Variants in SYT9 observed in about 807,000 individuals in gnomAD.
SYT9 encodes the protein synaptotagmin-9.
In SYT9, 22 loss-of-function variants were observed where a neutral mutation model predicts 48.4. That is an observed-to-expected ratio of 0.45 (90% CI 0.32 to 0.65). The LOEUF is 0.65. Among genes scored for constraint, SYT9 ranks in the 30% least tolerant of loss-of-function variants. The pLI, the probability that SYT9 is intolerant of heterozygous loss-of-function variation, is 0.03. For synonymous variants in SYT9, 265 were observed against 245.0 expected (o/e 1.08, Z -0.76); for missense variants, 577 against 622.0 (o/e 0.93, Z 0.77).
chr11:7,348,509 A>T (rs1248273486), intron 3 of SYT9, among the ~76,000 whole-genome samples: 1 of 152,040 alleles, frequency 6.6e-6, no homozygotes, highest in Non-Finnish European at 1.5e-5. Context: ...CGTTTAATGG[A>T]GGAAGGTCCC....
chr11:7,323,680 T>G (rs1273026490), intron 3 of SYT9, among the ~76,000 whole-genome samples: 2 of 152,074 alleles, frequency 1.3e-5, no homozygotes, highest in Non-Finnish European at 2.9e-5. Context: ...TTTTATCTTT[T>G]AAAGTAATAA....
chr11:7,405,072 C>T (rs1201698411), intron 3 of SYT9, among the ~76,000 whole-genome samples: 1 of 146,528 alleles, frequency 6.8e-6, no homozygotes, highest in Non-Finnish European at 1.5e-5. Context: ...CACTTCTTCA[C>T]ATCTGATACC....
intron 6 of SYT9, among the ~76,000 whole-genome samples, chr11:7,432,993 T>G (rs556836738): frequency 6.6e-6 from 1 of 152,138 alleles, no homozygotes; most frequent in Non-Finnish European, 1.5e-5. Flanking sequence ...AATCTCATGT[T>G]GAATTGTGAA....
intron 6 of SYT9, among the ~76,000 whole-genome samples, chr11:7,462,656 CAATA>C (rs931543839): frequency 3.3e-5 from 5 of 152,084 alleles, no homozygotes; most frequent in Non-Finnish European, 5.9e-5. Context: ...CTGTGGTAAG[CAATA>C]AATAGTCAAC....
intron 1 of SYT9, among the ~76,000 whole-genome samples, chr11:7,270,757 GTTAAAA>G (rs1430672776): frequency 6.6e-6 from 1 of 151,748 alleles, no homozygotes; most frequent in African/African-American, 2.4e-5. Context: ...AATTGAATTA[GTTAAAA>G]TTAATTTCTT....
intron 6 of SYT9, among the ~76,000 whole-genome samples, chr11:7,429,298 A>G (rs1847522234): frequency 1.3e-5 from 2 of 152,198 alleles, no homozygotes. Context: ...GAGTATTATA[A>G]AACATTTGGT....
chr11:7,323,984 A>G (rs1849383306), intron 3 of SYT9, among the ~76,000 whole-genome samples: 1 of 151,790 alleles, frequency 6.6e-6, no homozygotes, highest in South Asian at 2.1e-4. Context: ...TCTCTTAAAG[A>G]TTTTGTGTCA....
intron 6 of SYT9, among the ~76,000 whole-genome samples, chr11:7,434,165 G>A (rs1377257798): frequency 6.6e-6 from 1 of 152,224 alleles, no homozygotes; most frequent in Non-Finnish European, 1.5e-5. Flanking sequence ...TGTAAAGACA[G>A]TGAAGGAAGC....
intron 3 of SYT9, among the ~76,000 whole-genome samples, chr11:7,359,626 T>G (rs2134013852): frequency 9.0e-6 from 1 of 111,378 alleles, no homozygotes; most frequent in Middle Eastern, 4.3e-3. Flanking sequence ...TTTTCATGTG[T>G]TTTTTGGCTG....
intron 1 of SYT9, among the ~76,000 whole-genome samples, chr11:7,288,498 G>A (rs1310612900): frequency 6.6e-6 from 1 of 152,122 alleles, no homozygotes; most frequent in Non-Finnish European, 1.5e-5. Context: ...GGATATCTAG[G>A]CCTACTGGAT....
chr11:7,328,078 AT>A (rs59176003), intron 3 of SYT9, among the ~76,000 whole-genome samples: 103,784 of 135,850 alleles, frequency 0.76, 36,472 homozygotes, highest in East Asian at 0.92. Context: ...ATAATTAAAA[AT>A]AATAATAATA....
chr11:7,266,819 C>T (rs11041291), intron 1 of SYT9, among the ~76,000 whole-genome samples: 3,822 of 151,992 alleles, frequency 0.025, 57 homozygotes, highest in Non-Finnish European at 0.039. Flanking sequence ...CAGGGAAACT[C>T]CTGGAGAAAA....
chr11:7,243,838 T>A (rs113978932), intron 1 of SYT9, among the ~76,000 whole-genome samples: 43 of 152,328 alleles, frequency 2.8e-4, no homozygotes, highest in African/African-American at 9.6e-4. Flanking sequence ...TTCATCATCC[T>A]CTTCTCTCTT....
chr11:7,256,952 A>G (rs1847983078), intron 1 of SYT9, among the ~76,000 whole-genome samples: 1 of 152,194 alleles, frequency 6.6e-6, no homozygotes, highest in African/African-American at 2.4e-5. Context: ...TTGGCTGCAC[A>G]TTAGGAATAC....
At chr11:7,316,012 CAT>C (rs1849236829) in intron 3 of SYT9, among the ~76,000 whole-genome samples, 1 of 151,758 alleles carries the variant, frequency 6.6e-6, no homozygotes, top group South Asian at 2.1e-4. Context: ...CAGGCTATTT[CAT>C]AGTCTGCCAT....
chr11:7,393,808 G>T (rs561802848), intron 3 of SYT9, among the ~76,000 whole-genome samples: 18 of 151,598 alleles, frequency 1.2e-4, no homozygotes, highest in Non-Finnish European at 2.5e-4. Context: ...ATTTCTTCCT[G>T]ATTCAGTCTT....
At chr11:7,240,710 A>G (rs998890208) in intron 1 of SYT9, among the ~76,000 whole-genome samples, 9 of 152,224 alleles carry the variant, frequency 5.9e-5, no homozygotes, top group Admixed American at 2.6e-4. Context: ...TATATCTTAA[A>G]AATTAAGATG....
chr11:7,321,499 A>G (rs1201430133), intron 3 of SYT9, among the ~76,000 whole-genome samples: 1 of 152,200 alleles, frequency 6.6e-6, no homozygotes, highest in Non-Finnish European at 1.5e-5. Flanking sequence ...TCATTGTACC[A>G]TAAGTCATAT....
intron 3 of SYT9, among the ~76,000 whole-genome samples, chr11:7,350,609 C>G (rs1849895938): frequency 6.6e-6 from 1 of 152,110 alleles, no homozygotes; most frequent in Admixed American, 6.5e-5. Context: ...GCTCACTTTC[C>G]TTCATCTTCC....
Sources: allele counts gnomAD v4.1 joint callset (sites outside exome capture counted in the v4.1 genomes callset), GRCh38; gene constraint gnomAD v4.1.1; transcripts MANE v1.5; gene names NCBI Gene and HGNC (gene_info 2026-07-23, HGNC 2026-07-21).